The following SAMD12 variants were observed in gnomAD, a reference collection of about 807,000 sequenced individuals.
The protein encoded by SAMD12 is sterile alpha motif domain-containing protein 12.
A neutral mutation model predicts 15.0 loss-of-function variants in SAMD12; 9 were observed. The observed-to-expected ratio is 0.60, with a 90% confidence interval of 0.36 to 1.05. The LOEUF (loss-of-function observed/expected upper bound fraction) is 1.05. Ranked by LOEUF, SAMD12 falls within the 50% of genes least tolerant of loss-of-function variation. SAMD12 has a pLI of 0.01. For missense variants in SAMD12, 230 were observed against 234.2 expected (o/e 0.98, Z 0.12); for synonymous variants, 86 against 90.1 (o/e 0.96, Z 0.25).
In SAMD12 at chr8:118,589,185, G is replaced by C. The variant is rs117073212; in HGVS notation, c.14-8292C>G. On this transcript the variant is annotated intron_variant, in intron 1 of 3. Coordinates refer to ENST00000314727, the MANE Select transcript of SAMD12 (RefSeq NM_207506.3). ...GAAACTAAATGGAAACTGAAAGACT[G>C]AACCCACAAAACTCGTGCTATTGTC... Among the ~76,000 whole-genome samples the C allele has an allele frequency of 8.7e-3, 1,320 of 152,238 alleles. 10 individuals are homozygous for C. Among genetic ancestry groups the C allele is most frequent in the Non-Finnish European group, 0.011 (775 of 68,022 alleles).
chr8:118,299,449 C>T lies in SAMD12; in HGVS notation c.433+80111G>A, dbSNP rs1415024711. ...TGAAAGACGTGGGTCTCTACACGTCCAGTGGTTTTACTTTGAAGATGCCTA... is the reference window on the plus strand; with the variant it reads ...TGAAAGACGTGGGTCTCTACACGTCTAGTGGTTTTACTTTGAAGATGCCTA... On this transcript the variant is annotated intron_variant, in intron 4 of 4. Coordinates refer to the SAMD12 transcript ENST00000409003. Among the ~76,000 whole-genome samples, 5 of 152,140 alleles carry T rather than the reference C, an allele frequency of 3.3e-5. No individual in the cohort carries two copies. The East Asian group carries it at 9.6e-4, about 29-fold the overall frequency.
At chr8:118,463,126 A>G (rs78546702) in intron 2 of SAMD12, among the ~76,000 whole-genome samples, 45 of 130,926 alleles carry the variant, frequency 3.4e-4, no homozygotes, top group Non-Finnish European at 6.3e-4. Context: ...AAAAAAAAAA[A>G]GTGAAGGAAA....
rs1819491971 is a variant in SAMD12, at chr8:118,378,335, T to G, written c.*1082A>C. 1 of 899,532 alleles carries G rather than the reference T, an allele frequency of 1.1e-6. No individual in the cohort carries two copies. Among genetic ancestry groups the G allele is most frequent in the South Asian group, 5.1e-5 (1 of 19,494 alleles). 55.7% of individuals were successfully genotyped at this position (899,532 alleles called of 1,614,324 possible). A position where few individuals can be genotyped will look rare whatever the true frequency, so the allele number is the denominator to read the frequency against. On this transcript the variant is annotated 3_prime_UTR_variant, in exon 4 of 4. Transcript: ENST00000314727. ...TCTTATCATAATCTTCGTATTTCTA[T>G]CTACTTCTTAAAAGAAGCTTAAAAG...
chr8:118,414,241 T>C (rs1821572868), intron 3 of SAMD12, among the ~76,000 whole-genome samples: 1 of 152,238 alleles, frequency 6.6e-6, no homozygotes, highest in Non-Finnish European at 1.5e-5. Flanking sequence ...GTATTTCTTA[T>C]GAAAGGGCAT....
chr8:118,342,966 T>C (rs1460763101), intron 4 of SAMD12, among the ~76,000 whole-genome samples: 1 of 152,184 alleles, frequency 6.6e-6, no homozygotes, highest in Non-Finnish European at 1.5e-5. Flanking sequence ...CCTATTTCCC[T>C]GACCCAGTGT....
chr8:118,376,858 G>C (rs1459130130), downstream of SAMD12, among the ~76,000 whole-genome samples: 2 of 152,048 alleles, frequency 1.3e-5, no homozygotes, highest in Non-Finnish European at 2.9e-5. Flanking sequence ...TACCCCTATG[G>C]TGAATTTCTA....
chr8:118,580,667 A>G lies in SAMD12; in HGVS notation c.192+48T>C, dbSNP rs1200289111. ...TCTCTGTAGCTGGACTACAACATAT[A>G]AAGGCTGCAGCTTTCAAATCTCCGT... On this transcript the variant is annotated intron_variant, in intron 2 of 3. Transcript: ENST00000314727. 3 of 1,413,080 alleles carry G rather than the reference A, an allele frequency of 2.1e-6. No homozygotes were observed. The African/African-American group carries it at 4.3e-5, about 20-fold the overall frequency. The allele number at this position is 1,413,080 out of a possible 1,614,324, so 87.5% of individuals were successfully genotyped here.
chr8:118,441,825 C>T (rs994561527), intron 2 of SAMD12, among the ~76,000 whole-genome samples: 4 of 152,140 alleles, frequency 2.6e-5, no homozygotes, highest in Admixed American at 2.6e-4. Context: ...AAAGAAACAG[C>T]TTCTGCCTGA....
the SAMD12 span, among the ~76,000 whole-genome samples, chr8:118,158,081 C>T: frequency 6.6e-6 from 1 of 152,144 alleles, no homozygotes; most frequent in African/African-American, 2.4e-5. Context: ...CTATAGTTTG[C>T]AGGACAGAAT....
chr8:118,597,467 C>T (rs1472998251), intron 1 of SAMD12, among the ~76,000 whole-genome samples: 3 of 152,340 alleles, frequency 2.0e-5, no homozygotes, highest in East Asian at 1.9e-4. Context: ...GGCCTTGCCC[C>T]TTCAAACACA....
chr8:118,580,635 C>G, intron 2 of SAMD12, 80 bp downstream of exon 2: 5 of 958,188 alleles, frequency 5.2e-6, no homozygotes, highest in South Asian at 3.2e-5. Flanking sequence ...AAAGCACTAT[C>G]AGCTCTTCTC....
chr8:118,536,443 A>AACACAC (rs1165508519), intron 2 of SAMD12, among the ~76,000 whole-genome samples: 2,633 of 140,784 alleles, frequency 0.019, 35 homozygotes, highest in South Asian at 0.028. Flanking sequence ...CTGATACACA[A>AACACAC]ACACACACAC....
intron 3 of SAMD12, among the ~76,000 whole-genome samples, chr8:118,387,421 G>C (rs1161617398): frequency 1.3e-5 from 2 of 151,648 alleles, no homozygotes; most frequent in Non-Finnish European, 2.9e-5. Context: ...ACTGTTCCTT[G>C]ATTGGCCACC....
At chr8:118,616,895 A>G (rs1285877753) in intron 1 of SAMD12, among the ~76,000 whole-genome samples, 5 of 152,224 alleles carry the variant, frequency 3.3e-5, no homozygotes, top group African/African-American at 1.2e-4. Flanking sequence ...TGAACTGCAC[A>G]TGTGAGAGAT....
Position 118,415,113 on chromosome 8 carries a change from A to G in SAMD12, c.322+24719T>C, listed in dbSNP as rs181214966. On this transcript the variant is annotated intron_variant, in intron 3 of 3. Coordinates refer to ENST00000314727, the MANE Select transcript of SAMD12 (RefSeq NM_207506.3). Reference sequence around the variant, plus strand: ...CCCAAGTCATGCCTCCAGGGCGAGTATCCTACATTTAGCCTGTGTGAAAGC... The same window carrying G: ...CCCAAGTCATGCCTCCAGGGCGAGTGTCCTACATTTAGCCTGTGTGAAAGC... Among the ~76,000 whole-genome samples, 282 of 152,280 alleles carry G rather than the reference A, an allele frequency of 1.9e-3. 2 individuals are homozygous for G. Among genetic ancestry groups the G allele is most frequent in the African/African-American group, 6.6e-3 (274 of 41,552 alleles).
chr8:118,294,811 G>A (rs1023845943), intron 4 of SAMD12, among the ~76,000 whole-genome samples: 6 of 152,100 alleles, frequency 3.9e-5, no homozygotes, highest in Admixed American at 3.9e-4. Flanking sequence ...TGCTCTCTGA[G>A]CATCTGCTTG....
chr8:118,320,223 A>G (rs1285766748), intron 4 of SAMD12, among the ~76,000 whole-genome samples: 1 of 152,206 alleles, frequency 6.6e-6, no homozygotes, highest in Non-Finnish European at 1.5e-5. Context: ...CTATCTTGTG[A>G]AAAAAAGTTG....
intron 3 of SAMD12, among the ~76,000 whole-genome samples, chr8:118,391,007 A>T (rs957098441): frequency 6.6e-6 from 1 of 152,250 alleles, no homozygotes. Flanking sequence ...CTTTTCAAAC[A>T]GAAAATGTGA....
chr8:118,360,077 C>T (rs1818414047), intron 4 of SAMD12, among the ~76,000 whole-genome samples: 1 of 152,204 alleles, frequency 6.6e-6, no homozygotes, highest in Admixed American at 6.5e-5. Context: ...TCACTTTTTG[C>T]TCCACCTGGG....
Sources: gnomAD v4.1 joint callset for allele counts (sites outside exome capture counted in the v4.1 genomes callset) on GRCh38, gnomAD v4.1.1 for gene constraint, MANE v1.5 for transcripts, NCBI Gene and HGNC (gene_info 2026-07-23, HGNC 2026-07-21) for gene names.